The following NGLY1 variants were observed in gnomAD, a reference collection of about 807,000 sequenced individuals.
NGLY1 encodes the protein peptide-N(4)-(N-acetyl-beta-glucosaminyl)asparagine amidase.
Under a neutral mutation model 84.6 loss-of-function variants are expected in NGLY1, and 68 were observed. The observed-to-expected ratio is 0.80, with a 90% CI of 0.66 to 0.98. The LOEUF is 0.98. NGLY1 is among the 50% of genes least tolerant of loss of function. NGLY1 has a pLI of 0.00. For synonymous variants in NGLY1, 280 were observed against 275.2 expected (o/e 1.02, Z -0.17); for missense variants, 779 against 770.2 (o/e 1.01, Z -0.14).
chr3:25,784,502 T>C (rs931573605), upstream of NGLY1, among the ~76,000 whole-genome samples: 1 of 152,204 alleles, frequency 6.6e-6, no homozygotes, highest in Admixed American at 6.5e-5. Flanking sequence ...TCCAGTCTCT[T>C]CCCCACCATG....
In NGLY1 at chr3:25,729,449, T is replaced by C. The variant is rs1250163106; in HGVS notation, c.1426-131A>G. ...GAAAAAATTAGTGCCATTGGAAAAT[T>C]TGGAAATTATTTTATAAATTAAATA... On this transcript the variant is annotated intron_variant, in intron 9 of 11. Transcript: ENST00000280700. 9.0e-6 allele frequency: 4 copies of C among 444,516 alleles called. No homozygotes were observed. The East Asian group carries it at 1.1e-4, about 12-fold the overall frequency. 27.5% of individuals were successfully genotyped at this position (444,516 alleles called of 1,614,324 possible).
chr3:25,720,989 C>CTCACTA (rs1559526408), intron 10 of NGLY1, among the ~76,000 whole-genome samples: 1 of 152,154 alleles, frequency 6.6e-6, no homozygotes, highest in Non-Finnish European at 1.5e-5. Context: ...AAACCCCTTC[C>CTCACTA]TCACTAATAC....
At chr3:25,770,897 AT>A (rs952513399) in intron 2 of NGLY1, among the ~76,000 whole-genome samples, 9 of 151,510 alleles carry the variant, frequency 5.9e-5, no homozygotes, top group Admixed American at 2.0e-4. Flanking sequence ...TTTTGATGGG[AT>A]TTTTTTTCTT....
upstream of NGLY1, among the ~76,000 whole-genome samples, chr3:25,785,906 A>T (rs959675331): frequency 3.3e-5 from 5 of 152,186 alleles, no homozygotes; most frequent in Admixed American, 6.5e-5. Context: ...ACTGTAAGTT[A>T]TCATTAGTTT....
At chr3:25,723,615 T>C (rs936710771) in intron 10 of NGLY1, among the ~76,000 whole-genome samples, 4 of 151,996 alleles carry the variant, frequency 2.6e-5, no homozygotes, top group Admixed American at 6.6e-5. Flanking sequence ...TCAGTAACTA[T>C]AATTTATTTA....
At chr3:25,734,335 C>A (rs1705709045) in intron 7 of NGLY1, 1 of 162,940 alleles carries the variant, frequency 6.1e-6, no homozygotes, top group Non-Finnish European at 1.3e-5. Context: ...TCCCAAAGTG[C>A]TGGGATTATA....
At chr3:25,742,742 G>A (rs1706214479) in intron 4 of NGLY1, among the ~76,000 whole-genome samples, 1 of 151,768 alleles carries the variant, frequency 6.6e-6, no homozygotes, top group African/African-American at 2.4e-5. Flanking sequence ...CCCTCCAATG[G>A]GTTTCCATCT....
At chr3:25,725,804 G>GT (rs1490647176) in intron 10 of NGLY1, among the ~76,000 whole-genome samples, 1 of 152,056 alleles carries the variant, frequency 6.6e-6, no homozygotes, top group African/African-American at 2.4e-5. Context: ...GGAGTATGAG[G>GT]TTTTTTTCAC....
At chr3:25,728,776 GAATT>G (rs1362489722) in intron 10 of NGLY1, among the ~76,000 whole-genome samples, 19 of 151,860 alleles carry the variant, frequency 1.3e-4, no homozygotes, top group Admixed American at 5.9e-4. Flanking sequence ...ATCTGTGAAG[GAATT>G]AATTCACAAT....
intron 4 of NGLY1, among the ~76,000 whole-genome samples, chr3:25,747,575 T>C (rs974428488): frequency 6.6e-6 from 1 of 152,154 alleles, no homozygotes. Flanking sequence ...GAGACACATA[T>C]AGTTAAGCCT....
chr3:25,783,404 C>A lies in NGLY1; in HGVS notation c.-14G>T. On this transcript the variant is annotated 5_prime_UTR_variant, in exon 1 of 12. Coordinates refer to ENST00000280700, the MANE Select transcript of NGLY1 (RefSeq NM_018297.4). The surrounding 1 kb of genome is among the most constrained non-coding windows in gnomAD (Gnocchi z 4.5). ...CGCCGCCGCCATGCTTGAGCGCCAG[C>A]GGGCGCCGCCGCCGCCCCTCGCTCT... The A allele has an allele frequency of 5.3e-6, 8 of 1,523,154 alleles. No homozygotes were observed. The highest frequency in any genetic ancestry group is 7.0e-6 in the Non-Finnish European group (8 of 1,136,556). 94.4% of individuals were successfully genotyped at this position (1,523,154 alleles called of 1,614,324 possible).
chr3:25,752,149 A>T (rs1239393695), intron 3 of NGLY1, among the ~76,000 whole-genome samples: 1 of 152,226 alleles, frequency 6.6e-6, no homozygotes, highest in African/African-American at 2.4e-5. Context: ...AAAAAACTTT[A>T]AAAAGTTTCA....
At chr3:25,780,236 T>G (rs1452024406) in intron 1 of NGLY1, among the ~76,000 whole-genome samples, 1 of 152,236 alleles carries the variant, frequency 6.6e-6, no homozygotes, top group Non-Finnish European at 1.5e-5. Context: ...ATGTGGGGCC[T>G]TTTCTCAGTG....
At chr3:25,747,301 A>G (rs1387194119) in intron 4 of NGLY1, among the ~76,000 whole-genome samples, 1 of 152,206 alleles carries the variant, frequency 6.6e-6, no homozygotes, top group Non-Finnish European at 1.5e-5. Context: ...AGTACTTTGA[A>G]GCTGGACAGG....
chr3:25,789,701 G>T, intron 1 of NGLY1: 3 of 861,068 alleles, frequency 3.5e-6, no homozygotes, highest in Non-Finnish European at 3.6e-6. Context: ...TACTAATAAC[G>T]TTGCGAGCTA....
chr3:25,736,752 A>AT (rs747259666), intron 6 of NGLY1: 22 of 177,304 alleles, frequency 1.2e-4, no homozygotes, highest in Non-Finnish European at 2.4e-4. Context: ...AGTTTACTAA[A>AT]TTTTTTACAG....
At chr3:25,783,795 A>G (rs1418178273), upstream of NGLY1, among the ~76,000 whole-genome samples, 5 of 149,952 alleles carry the variant, frequency 3.3e-5, no homozygotes, top group East Asian at 9.9e-4. This position sits in a 1 kb window ranked among gnomAD's most constrained non-coding sequence, Gnocchi z 4.5. Context: ...TTCCGCAGGG[A>G]GAGGCGGGGC....
intron 4 of NGLY1, among the ~76,000 whole-genome samples, chr3:25,750,057 G>A (rs1706650108): frequency 6.6e-6 from 1 of 152,116 alleles, no homozygotes; most frequent in African/African-American, 2.4e-5. Flanking sequence ...ATAAAGAAGA[G>A]GTTTAATTGA....
At chr3:25,750,664 A>G (rs1186955375) in intron 4 of NGLY1, among the ~76,000 whole-genome samples, 2 of 152,024 alleles carry the variant, frequency 1.3e-5, no homozygotes, top group East Asian at 3.8e-4. Flanking sequence ...TAAAAAATTG[A>G]AAAAAAAGGT....
Sources: allele counts gnomAD v4.1 joint callset (sites outside exome capture counted in the v4.1 genomes callset), GRCh38; gene constraint gnomAD v4.1.1; non-coding constraint Gnocchi (gnomAD v3.1); transcripts MANE v1.5; gene names NCBI Gene and HGNC (gene_info 2026-07-23, HGNC 2026-07-21).